NINL: variants seen among roughly 807,000 people sequenced by gnomAD.
The protein encoded by NINL is ninein-like protein.
Under a neutral mutation model 160.3 loss-of-function variants are expected in NINL, and 153 were observed. The observed-to-expected ratio is 0.95, with a 90% CI of 0.84 to 1.09. The LOEUF (loss-of-function observed/expected upper bound fraction) is 1.09, where lower values mean the gene tolerates loss of function less well. Among genes scored for constraint, NINL ranks in the 50% least tolerant of loss-of-function variants. The pLI is 0.00. For synonymous variants in NINL, 800 were observed against 734.8 expected (o/e 1.09, Z -1.43); for missense variants, 1,829 against 1,764.0 (o/e 1.04, Z -0.66).
chr20:25,515,387 T>C lies in NINL; in HGVS notation c.277+2366A>G, dbSNP rs1309932238. Among the ~76,000 whole-genome samples, 5 of 152,326 alleles carry C rather than the reference T, an allele frequency of 3.3e-5. No individual in the cohort carries two copies. The East Asian group carries it at 9.7e-4, about 29-fold the overall frequency. On this transcript the variant is annotated intron_variant, in intron 3 of 23. Transcript: ENST00000278886. ...ACCCAATGCCTGTATCCCCATTGTATCTTGGAAGTACCTATCTAGTTTTTT... is the reference window on the plus strand; with the variant it reads ...ACCCAATGCCTGTATCCCCATTGTACCTTGGAAGTACCTATCTAGTTTTTT...
At chr20:25,538,450 C>G (rs560671420) in intron 1 of NINL, among the ~76,000 whole-genome samples, 2 of 152,326 alleles carry the variant, frequency 1.3e-5, no homozygotes, top group South Asian at 4.1e-4. Flanking sequence ...TTCCAGAGTT[C>G]TTTCAGCTCA....
intron 1 of NINL, among the ~76,000 whole-genome samples, chr20:25,549,209 A>ACC (rs142243491): frequency 9.4e-6 from 1 of 106,184 alleles, no homozygotes; most frequent in Non-Finnish European, 1.8e-5. Context: ...CCCAGGCCTG[A>ACC]CCCCGGCACC....
chr20:25,481,908 C>A, intron 14 of NINL, 60 bp downstream of exon 14: 2 of 1,569,372 alleles, frequency 1.3e-6, no homozygotes, highest in South Asian at 2.3e-5. Flanking sequence ...TTTCCTGGCT[C>A]TGGGCCTTGT....
chr20:25,474,997 G>A (rs1430550886), intron 17 of NINL, among the ~76,000 whole-genome samples: 1 of 151,994 alleles, frequency 6.6e-6, no homozygotes, highest in Non-Finnish European at 1.5e-5. Context: ...TGGCCAGGCT[G>A]GTCTTGAACT....
Position 25,510,781 on chromosome 20 carries a change from G to C in NINL, c.451-41C>G, listed in dbSNP as rs764894570. 3 of 1,495,180 alleles carry C rather than the reference G, an allele frequency of 2.0e-6. No homozygotes were observed. The Admixed American group carries it at 5.1e-5, about 26-fold the overall frequency. The allele number at this position is 1,495,180 out of a possible 1,614,324, so 92.6% of individuals were successfully genotyped here. ...GAGAGAAGGCTGTGAGTTCCAGGGG[G>C]TGCTGCTGGGGACGGAGCACCGGGA... On this transcript the variant is annotated intron_variant, in intron 4 of 23. Coordinates refer to ENST00000278886, the MANE Select transcript of NINL (RefSeq NM_025176.6).
At chr20:25,524,543 C>T (rs1568941253) in intron 2 of NINL, among the ~76,000 whole-genome samples, 2 of 152,182 alleles carry the variant, frequency 1.3e-5, no homozygotes, top group African/African-American at 4.8e-5. Flanking sequence ...TCCCCACACA[C>T]ATATGAGAAG....
Position 25,455,761 on chromosome 20 carries a change from G to A in NINL, c.3869C>T (p.Ala1290Val), listed in dbSNP as rs767913254. The A allele has an allele frequency of 2.5e-6, 4 of 1,614,078 alleles. No individual in the cohort carries two copies. Among genetic ancestry groups the A allele is most frequent in the South Asian group, 2.2e-5 (2 of 91,078 alleles). ...QREEHEKQLK[A>V]TEERVEEAEM... ...CGCCTCTTCCACCCGCTCTTCTGTG[G>A]CTTTCAGCTGTTTCTCATGTTCTTC... The change falls in exon 23 of 24, where the codon GCC becomes GTC. Residue 1290 changes from alanine to valine, a missense_variant. Coordinates refer to ENST00000278886, the MANE Select transcript of NINL (RefSeq NM_025176.6).
chr20:25,498,101 C>T (rs2063794539), intron 9 of NINL, 109 bp downstream of exon 9: 1 of 1,328,136 alleles, frequency 7.5e-7, no homozygotes, highest in Non-Finnish European at 1.0e-6. Flanking sequence ...CAGGACTGGC[C>T]ATGTGGGGTG....
intron 19 of NINL, 50 bp from the exon 20 acceptor site, chr20:25,462,591 C>A: frequency 6.8e-7 from 1 of 1,479,136 alleles, no homozygotes; most frequent in South Asian, 1.2e-5. Flanking sequence ...TTTTAATTTT[C>A]ATGTTATATA....
intron 10 of NINL, among the ~76,000 whole-genome samples, chr20:25,495,663 C>A (rs60229765): frequency 2.6e-4 from 40 of 152,286 alleles, no homozygotes; most frequent in East Asian, 2.3e-3. Context: ...TGAGCTACCC[C>A]GGAGGACCCT....
Position 25,491,456 on chromosome 20 carries a change from C to G in NINL, c.1380G>C (p.Leu460=). ...LRSEVEAERE[L]FWEQAHRQRA... ...TCTGCCTGTGGGCCTGCTCCCAGAA[C>G]AGCTCTCGCTCCGCCTCCACCTCAG... is the stretch of plus-strand genomic sequence containing the variant. Residue 460 remains leucine (L), a synonymous_variant, in exon 11 of 24, where the codon CTG becomes CTC. Transcript: ENST00000278886. The G allele has an allele frequency of 6.2e-7, 1 of 1,614,076 alleles. No individual in the cohort carries two copies. The highest frequency in any genetic ancestry group is 8.5e-7 in the Non-Finnish European group (1 of 1,180,020).
chr20:25,519,179 A>G (rs889130020), intron 2 of NINL, among the ~76,000 whole-genome samples: 1 of 151,386 alleles, frequency 6.6e-6, no homozygotes, highest in African/African-American at 2.4e-5. Flanking sequence ...ATCCATTCTT[A>G]GCTTACCAAA....
chr20:25,463,120 C>A (rs576948592), intron 19 of NINL, among the ~76,000 whole-genome samples: 2 of 152,218 alleles, frequency 1.3e-5, no homozygotes, highest in East Asian at 3.9e-4. Context: ...TGACACCCTA[C>A]AACACAGATG....
chr20:25,553,600 C>T (rs1195644027), intron 1 of NINL, among the ~76,000 whole-genome samples: 1 of 152,236 alleles, frequency 6.6e-6, no homozygotes, highest in Admixed American at 6.5e-5. Context: ...AGCATGAACA[C>T]GTGTCACAAG....
chr20:25,535,693 T>G (rs2064544320), intron 1 of NINL, among the ~76,000 whole-genome samples: 1 of 152,258 alleles, frequency 6.6e-6, no homozygotes, highest in Non-Finnish European at 1.5e-5. Flanking sequence ...GTAAAACATA[T>G]TTTTTAAAAA....
chr20:25,462,581 T>C (rs766545429), intron 19 of NINL, 40 bp from the exon 20 acceptor site: 1 of 1,546,500 alleles, frequency 6.5e-7, no homozygotes, highest in Non-Finnish European at 8.8e-7. Flanking sequence ...AAAAAAATGT[T>C]TTTAATTTTC....
chr20:25,479,415 CCT>C (rs1453750125), intron 15 of NINL, among the ~76,000 whole-genome samples: 1 of 152,204 alleles, frequency 6.6e-6, no homozygotes, highest in African/African-American at 2.4e-5. Context: ...ACCTATCCCC[CCT>C]GAGGCAGGGC....
intron 1 of NINL, among the ~76,000 whole-genome samples, chr20:25,528,242 C>T (rs2064392530): frequency 6.6e-6 from 1 of 151,948 alleles, no homozygotes; most frequent in African/African-American, 2.4e-5. Flanking sequence ...ACTATGTTAC[C>T]CAGGCTGGTC....
At chr20:25,477,129 C>T in intron 16 of NINL, 40 bp from the exon 17 acceptor site, 2 of 1,512,854 alleles carry the variant, frequency 1.3e-6, no homozygotes, top group South Asian at 2.6e-5. Flanking sequence ...GCCCTGCCGC[C>T]CCCAGCCCCT....
Sources: gnomAD v4.1 joint callset for allele counts (sites outside exome capture counted in the v4.1 genomes callset) on GRCh38, gnomAD v4.1.1 for gene constraint, MANE v1.5 for transcripts, NCBI Gene and HGNC (gene_info 2026-07-23, HGNC 2026-07-21) for gene names.